Variants in MIS18BP1 observed in about 807,000 individuals in gnomAD.
MIS18BP1 encodes the protein mis18-binding protein 1.
In MIS18BP1, 72 loss-of-function variants were observed where a neutral mutation model predicts 116.1. The ratio of observed to expected loss-of-function variants is 0.62; its 90% confidence interval spans 0.51 to 0.75. The LOEUF is 0.75. Among genes scored for constraint, MIS18BP1 ranks in the 30% least tolerant of loss-of-function variants. MIS18BP1 has a pLI of 0.00. For synonymous variants in MIS18BP1, 386 were observed against 427.0 expected (o/e 0.90, Z 1.18); for missense variants, 1,363 against 1,303.2 (o/e 1.05, Z -0.71).
At chr14:45,249,805 A>T (rs939950656) in intron 1 of MIS18BP1, among the ~76,000 whole-genome samples, 12 of 152,148 alleles carry the variant, frequency 7.9e-5, no homozygotes, top group African/African-American at 2.9e-4. Flanking sequence ...TGGGAGGCGG[A>T]GGTTGCAGTG....
chr14:45,248,618 AT>A (rs1175331579), intron 1 of MIS18BP1, among the ~76,000 whole-genome samples: 1 of 152,192 alleles, frequency 6.6e-6, no homozygotes, highest in Non-Finnish European at 1.5e-5. Context: ...AGACCAAAAA[AT>A]ATCAAGTATC....
In MIS18BP1 at chr14:45,242,799, T is replaced by G. The variant is rs1891618951; in HGVS notation, c.620A>C (p.Gln207Pro). The G allele has an allele frequency of 1.2e-6, 2 of 1,613,618 alleles. No individual in the cohort carries two copies. The highest frequency in any genetic ancestry group is 1.7e-6 in the Non-Finnish European group (2 of 1,179,740). The change falls in exon 3 of 17, where the codon CAG (glutamine) becomes CCG (proline). Residue 207 changes from glutamine to proline, a missense_variant. Physicochemically the swap from Gln to Pro is moderately conservative, Grantham distance 76. Transcript: ENST00000310806. ...GTGCAGTGGTGCTTTCTTTTCCTGCTGGCACTGAATCTTTTGTTTGACCGG... is the reference window on the plus strand; with the variant it reads ...GTGCAGTGGTGCTTTCTTTTCCTGCGGGCACTGAATCTTTTGTTTGACCGG... ...FLPVKQKIQCQQEKKAPLHNL... is the reference protein window; with the variant it reads ...FLPVKQKIQCPQEKKAPLHNL...
rs143250423 is a variant in MIS18BP1, at chr14:45,207,791, A to G, written c.3153-1621T>C. On this transcript the variant is annotated intron_variant, in intron 14 of 16. Coordinates refer to ENST00000310806, the MANE Select transcript of MIS18BP1 (RefSeq NM_018353.5). ...TTGATTACTTAAAACTGTTATGAAA[A>G]GTACGTCAATTACTAGAGCTAGTAA... is the stretch of plus-strand genomic sequence containing the variant. Among the ~76,000 whole-genome samples the G allele has an allele frequency of 1.2e-4, 18 of 152,326 alleles. No homozygotes were observed. The East Asian group carries it at 3.5e-3, about 29-fold the overall frequency.
chr14:45,205,177 G>A (rs1483707790), intron 15 of MIS18BP1, among the ~76,000 whole-genome samples: 1 of 152,104 alleles, frequency 6.6e-6, no homozygotes, highest in Non-Finnish European at 1.5e-5. Flanking sequence ...CATGCTCACA[G>A]ACTGTGATAT....
intron 14 of MIS18BP1, among the ~76,000 whole-genome samples, chr14:45,207,594 T>A (rs376080599): frequency 1.3e-5 from 2 of 152,162 alleles, no homozygotes; most frequent in South Asian, 2.1e-4. Context: ...GAGGCGGTAG[T>A]GAGCCGAGAT....
chr14:45,225,436 C>G (rs1003449203), intron 10 of MIS18BP1, among the ~76,000 whole-genome samples: 5 of 151,726 alleles, frequency 3.3e-5, no homozygotes, highest in African/African-American at 1.2e-4. Context: ...ATACAGTAGG[C>G]AATAAGTAAA....
rs144218247 is a variant in MIS18BP1, at chr14:45,247,115, G to A, written c.172C>T (p.His58Tyr). Residue 58 changes from histidine (H) to tyrosine (Y), a missense_variant, in exon 2 of 17, where the codon CAT (histidine) becomes TAT (tyrosine). His to Tyr is a moderately conservative substitution (Grantham distance 83). Transcript: ENST00000310806. Reference sequence around the variant, plus strand: ...ATTTTTAGGAACTGATTCTTTTTATGGTCATTCAATTTTAAGGAGGAGTTC... The same window carrying A: ...ATTTTTAGGAACTGATTCTTTTTATAGTCATTCAATTTTAAGGAGGAGTTC... ...YQNSSLKLND[H>Y]KKNQFLKMTT... 2.2e-5 allele frequency: 36 copies of A among 1,612,522 alleles called. No homozygotes were observed. In the African/African-American group the frequency reaches 4.5e-4, roughly 20 times the overall value.
At chr14:45,249,722 T>C (rs1455225403) in intron 1 of MIS18BP1, among the ~76,000 whole-genome samples, 1 of 152,044 alleles carries the variant, frequency 6.6e-6, no homozygotes, top group Non-Finnish European at 1.5e-5. Context: ...AATGTAAAAA[T>C]TAGCCGGATG....
At chr14:45,223,633 C>T (rs1057022700) in intron 11 of MIS18BP1, among the ~76,000 whole-genome samples, 6 of 152,056 alleles carry the variant, frequency 3.9e-5, no homozygotes, top group Admixed American at 6.6e-5. Context: ...TATGAAGCTA[C>T]GTGAGAGAGT....
chr14:45,218,364 C>T lies in MIS18BP1; in HGVS notation c.2760G>A (p.Arg920=), dbSNP rs1389848364. 2 of 1,613,986 alleles carry T rather than the reference C, an allele frequency of 1.2e-6. No individual in the cohort carries two copies. The highest frequency in any genetic ancestry group is 2.2e-5 in the East Asian group (1 of 44,840). The change falls in exon 12 of 17, where the codon AGG becomes AGA. Residue 920 remains arginine, a synonymous_variant. Coordinates refer to ENST00000310806, the MANE Select transcript of MIS18BP1 (RefSeq NM_018353.5). ...VGSRSPEECQ[R]KYMENPRGKG... is the part of the protein sequence containing the mutation. ...TTCCTCTGGGATTTTCCATGTATTT[C>T]CTCTGGCATTCTTCAGGAGATCGAG...
At chr14:45,241,883 A>C in intron 4 of MIS18BP1, 151 bp downstream of exon 4, 1 of 851,016 alleles carries the variant, frequency 1.2e-6, no homozygotes, top group South Asian at 1.8e-5. Context: ...GCAGTAAATA[A>C]TAAAACATGA....
intron 6 of MIS18BP1, 112 bp downstream of exon 6, chr14:45,235,702 T>C: frequency 1.1e-6 from 1 of 870,512 alleles, no homozygotes; most frequent in Non-Finnish European, 1.6e-6. Context: ...TTTTGATTTA[T>C]TCATAATTTA....
intron 10 of MIS18BP1, among the ~76,000 whole-genome samples, chr14:45,225,024 A>G (rs1891088236): frequency 6.6e-6 from 1 of 152,108 alleles, no homozygotes; most frequent in Non-Finnish European, 1.5e-5. Flanking sequence ...GGCCTTCCAC[A>G]TAGTTCCAAT....
rs1234141630 is a variant in MIS18BP1 at position 45,204,259 on chromosome 14, T to G, written c.3296-47A>C. 3 of 1,555,838 alleles carry G rather than the reference T, an allele frequency of 1.9e-6. No individual in the cohort carries two copies. The Admixed American group carries it at 6.1e-5, about 32-fold the overall frequency. The stretch of plus-strand genomic sequence containing the variant: ...AAAGATAATAAATTTCTAAAAGTAC[T>G]TTCAATAAAACTGAAAACAACTATA... On this transcript the variant is annotated intron_variant, in intron 16 of 16. Coordinates refer to ENST00000310806, the MANE Select transcript of MIS18BP1 (RefSeq NM_018353.5).
chr14:45,214,107 A>G (rs1308231486), intron 13 of MIS18BP1, among the ~76,000 whole-genome samples: 1 of 152,252 alleles, frequency 6.6e-6, no homozygotes, highest in Admixed American at 6.5e-5. Flanking sequence ...GTGGGAAGGG[A>G]AAGACCTTAC....
chr14:45,227,663 C>G lies in MIS18BP1; in HGVS notation c.1746G>C (p.Gln582His), dbSNP rs756614993. 6.2e-7 allele frequency: 1 copy of G among 1,611,818 alleles called. No homozygotes were observed. Among genetic ancestry groups the G allele is most frequent in the Non-Finnish European group, 8.5e-7 (1 of 1,178,128 alleles). ...TATACAGTGTACAATAAAGCCTTAC[C>G]TGATTAGATAAGTCATCTCCTCCTC... ...QNGGGDDLSN[Q>H]ELIGKKEYKM... is the part of the protein sequence containing the mutation. The change falls in exon 9 of 17, where the codon CAG (glutamine) becomes CAC (histidine). Residue 582 changes from glutamine to histidine, a missense_variant and splice_region_variant. Coordinates refer to ENST00000310806, the MANE Select transcript of MIS18BP1 (RefSeq NM_018353.5).
chr14:45,211,367 T>C (rs368344476), intron 13 of MIS18BP1, among the ~76,000 whole-genome samples: 1 of 152,182 alleles, frequency 6.6e-6, no homozygotes, highest in Non-Finnish European at 1.5e-5. Context: ...TGTAACCTGG[T>C]TGAGCCCAGG....
intron 13 of MIS18BP1, 111 bp downstream of exon 13, chr14:45,216,908 G>A (rs780977536): frequency 2.8e-5 from 31 of 1,115,702 alleles, no homozygotes; most frequent in Non-Finnish European, 3.9e-5. Context: ...TCATGTCTAC[G>A]GAGGCTACTG....
At position 45,246,867 on chromosome 14, in the gene MIS18BP1, C is replaced by G; in HGVS notation, c.420G>C (p.Gln140His). 5 of 1,609,250 alleles carry G rather than the reference C, an allele frequency of 3.1e-6. No homozygotes were observed. Among genetic ancestry groups the G allele is most frequent in the Non-Finnish European group, 3.4e-6 (4 of 1,178,146 alleles). Residue 140 changes from glutamine to histidine, a missense_variant, in exon 2 of 17, where the codon CAG becomes CAC. By Grantham distance (24) the Gln-to-His change is conservative. Transcript: ENST00000310806. Reference protein sequence around the residue: ...PSRNSSLLEPQKSGNNETFTP... With the variant: ...PSRNSSLLEPHKSGNNETFTP... Reference sequence around the variant, plus strand: ...TGAAGGTTTCATTATTTCCACTTTTCTGTGGTTCCAACAAACTACTGTTTC... The same window carrying G: ...TGAAGGTTTCATTATTTCCACTTTTGTGTGGTTCCAACAAACTACTGTTTC...
Sources: allele counts gnomAD v4.1 joint callset (sites outside exome capture counted in the v4.1 genomes callset), GRCh38; gene constraint gnomAD v4.1.1; transcripts MANE v1.5; gene names NCBI Gene and HGNC (gene_info 2026-07-23, HGNC 2026-07-21).